Variants in PCM1 observed in about 807,000 individuals in gnomAD.
The protein encoded by PCM1 is pericentriolar material 1 protein.
In PCM1, 157 loss-of-function variants were observed where a neutral mutation model predicts 241.9. The ratio of observed to expected loss-of-function variants is 0.65; its 90% CI spans 0.57 to 0.74. The LOEUF (loss-of-function observed/expected upper bound fraction) is 0.74, where lower values mean the gene tolerates loss of function less well. Among genes scored for constraint, PCM1 ranks in the 30% least tolerant of loss-of-function variants. The pLI is 0.00. For missense variants in PCM1, 3,478 were observed against 2,360.1 expected (o/e 1.47, Z -9.81); for synonymous variants, 1,085 against 784.9 (o/e 1.38, Z -6.39).
At position 17,960,058 on chromosome 8, in the gene PCM1, T is replaced by G. The variant is rs2070937427; in HGVS notation, c.2085T>G (p.Asn695Lys). Residue 695 changes from asparagine to lysine, a missense_variant, in exon 14 of 39, where the codon AAT becomes AAG. Physicochemically the swap from Asn to Lys is moderately conservative, Grantham distance 94. Transcript: ENST00000325083. Reference sequence around the variant, plus strand: ...GAGTTATCTCTGCCAGTGCATCAAATTTGGATGATTTCTACCCAGCAGAAG... The same window carrying G: ...GAGTTATCTCTGCCAGTGCATCAAAGTTGGATGATTTCTACCCAGCAGAAG... ...AQGVISASAS[N>K]LDDFYPAEED... The G allele has an allele frequency of 1.2e-6, 2 of 1,612,578 alleles. No individual in the cohort carries two copies. Among genetic ancestry groups the G allele is most frequent in the Non-Finnish European group, 1.7e-6 (2 of 1,179,252 alleles).
chr8:17,930,660 C>G (rs961920177), intron 2 of PCM1, among the ~76,000 whole-genome samples: 1 of 151,694 alleles, frequency 6.6e-6, no homozygotes, highest in Non-Finnish European at 1.5e-5. Flanking sequence ...GGGCGGATCA[C>G]GAGGTCAGGA....
intron 36 of PCM1, among the ~76,000 whole-genome samples, chr8:18,018,852 G>GTATATA (rs71519940): frequency 3.5e-4 from 19 of 53,692 alleles, no homozygotes; most frequent in East Asian, 1.1e-3. Context: ...GTGTGTGTGT[G>GTATATA]TATATATATA....
chr8:17,947,393 G>T, intron 7 of PCM1, 30 bp downstream of exon 7: 1 of 1,473,022 alleles, frequency 6.8e-7, no homozygotes, highest in Non-Finnish European at 9.2e-7. Flanking sequence ...TATTCTTTTT[G>T]TAAGGAAGAC....
In PCM1 at chr8:17,937,503, C is replaced by G. The variant is rs559997084; in HGVS notation, c.342+124C>G. On this transcript the variant is annotated intron_variant, in intron 4 of 38. Coordinates refer to ENST00000325083, the MANE Select transcript of PCM1 (RefSeq NM_006197.4). ...TAATTTTTAAAAAAAGTTTCTGTGC[C>G]TATGGAAAGAATTTTAATCACTGGG... 1.9e-4 allele frequency: 158 copies of G among 812,618 alleles called. 1 individual carries two copies. In the African/African-American group the frequency reaches 2.4e-3, roughly 12 times the overall value. The allele number at this position is 812,618 out of a possible 1,614,324, so 50.3% of individuals were successfully genotyped here.
intron 29 of PCM1, among the ~76,000 whole-genome samples, chr8:18,005,217 G>C (rs934172026): frequency 2.0e-5 from 3 of 152,030 alleles, no homozygotes; most frequent in African/African-American, 7.2e-5. Context: ...ACTGTATTTT[G>C]TGATAAATAA....
At chr8:17,970,761 T>G (rs1183222770) in intron 22 of PCM1, among the ~76,000 whole-genome samples, 2 of 152,196 alleles carry the variant, frequency 1.3e-5, no homozygotes, top group Admixed American at 6.5e-5. Context: ...AGTAAAAAAT[T>G]ACTCTGGTTT....
rs530198373 is a variant in PCM1, at chr8:17,960,317, A to G, written c.2195A>G (p.Glu732Gly). ...ATATAATGTCAATTTAATTGTAGAG[A>G]GAAATTTTATGAGGCTAAACTACAG... ...KDTGVNEKAR[E>G]KFYEAKLQQQ... Residue 732 changes from glutamate (E) to glycine (G), a missense_variant and splice_region_variant, in exon 15 of 39, where the codon GAG (glutamate) becomes GGG (glycine). Physicochemically the swap from Glu to Gly is moderately conservative, Grantham distance 98. Coordinates refer to ENST00000325083, the MANE Select transcript of PCM1 (RefSeq NM_006197.4). 20 of 1,591,282 alleles carry G rather than the reference A, an allele frequency of 1.3e-5. No homozygotes were observed. In the East Asian group the frequency reaches 3.8e-4, roughly 30 times the overall value.
At chr8:17,927,536 A>G (rs1181490106) in intron 2 of PCM1, 1 of 152,092 alleles carries the variant, frequency 6.6e-6, no homozygotes, top group Non-Finnish European at 1.5e-5. Flanking sequence ...ATGTCTCTAT[A>G]GTTAGAATCC....
intron 21 of PCM1, among the ~76,000 whole-genome samples, chr8:17,968,666 A>G (rs1025825762): frequency 1.3e-5 from 2 of 151,800 alleles, no homozygotes; most frequent in Non-Finnish European, 1.5e-5. Context: ...TATGTACTCA[A>G]TACTTCTTAC....
At chr8:18,012,796 T>C (rs964629819) in intron 34 of PCM1, among the ~76,000 whole-genome samples, 3 of 152,184 alleles carry the variant, frequency 2.0e-5, no homozygotes, top group Non-Finnish European at 2.9e-5. Context: ...CTTTTCCTTA[T>C]CTTTTGGTTT....
intron 21 of PCM1, 21 bp from the exon 22 acceptor site, chr8:17,969,556 C>T (rs2076169132): frequency 2.0e-6 from 3 of 1,506,466 alleles, no homozygotes; most frequent in South Asian, 1.3e-5. Context: ...TTTTCTCTTA[C>T]CCATTGCTTT....
At chr8:17,931,363 A>G (rs559533133) in intron 2 of PCM1, among the ~76,000 whole-genome samples, 1 of 151,772 alleles carries the variant, frequency 6.6e-6, no homozygotes, top group East Asian at 1.9e-4. Context: ...ATCTCAGCAC[A>G]CTGCAACCTC....
rs1307160496 is a variant in PCM1 at position 17,964,664 on chromosome 8, AGAG to A, written c.2757_2759del (p.Glu922del). ...CTGAAGGAATTGTTCGGACAGATGA[AGAG>A]GAGGAAGAAGAGCAAGATGCCAGTT... On this transcript the variant is annotated inframe_deletion, in exon 18 of 39. Coordinates refer to ENST00000325083, the MANE Select transcript of PCM1 (RefSeq NM_006197.4). 6.8e-6 allele frequency: 11 copies of A among 1,613,820 alleles called. No individual in the cohort carries two copies. Among genetic ancestry groups the A allele is most frequent in the Non-Finnish European group, 9.3e-6 (11 of 1,179,830 alleles).
At chr8:17,990,248 A>T (rs977268913) in intron 27 of PCM1, among the ~76,000 whole-genome samples, 1 of 152,210 alleles carries the variant, frequency 6.6e-6, no homozygotes, top group Admixed American at 6.5e-5. Context: ...AATGTAACTT[A>T]CTTGCTTGAG....
chr8:17,928,076 G>A (rs747352394), intron 2 of PCM1: 9 of 151,944 alleles, frequency 5.9e-5, no homozygotes, highest in South Asian at 2.1e-4. Context: ...TTTTATCCCC[G>A]TTCAGCTACC....
intron 35 of PCM1, 98 bp downstream of exon 35, chr8:18,014,134 T>C: frequency 1.4e-6 from 1 of 731,344 alleles, no homozygotes; most frequent in Admixed American, 3.2e-5. Flanking sequence ...ACACTAAAAT[T>C]CTTAGTTTGA....
chr8:17,975,262 C>A (rs1416889847), intron 23 of PCM1, among the ~76,000 whole-genome samples: 1 of 152,156 alleles, frequency 6.6e-6, no homozygotes, highest in African/African-American at 2.4e-5. Context: ...CTCCCGGGTT[C>A]AAACAATTCT....
intron 17 of PCM1, 143 bp from the exon 18 acceptor site, chr8:17,964,425 C>T (rs1467028577): frequency 1.0e-5 from 6 of 599,796 alleles, no homozygotes; most frequent in East Asian, 5.6e-5. Context: ...GAGTGCCACC[C>T]GTAGCATAGT....
At chr8:17,943,499 C>T (rs2062833934) in intron 6 of PCM1, among the ~76,000 whole-genome samples, 1 of 152,108 alleles carries the variant, frequency 6.6e-6, no homozygotes, top group African/African-American at 2.4e-5. Context: ...TAAGAGTTAA[C>T]AGTTAATGCA....
Sources: gnomAD v4.1 joint callset for allele counts (sites outside exome capture counted in the v4.1 genomes callset) on GRCh38, gnomAD v4.1.1 for gene constraint, MANE v1.5 for transcripts, NCBI Gene and HGNC (gene_info 2026-07-23, HGNC 2026-07-21) for gene names.